Variants in NACC2 observed in about 807,000 individuals in gnomAD.
NACC2 encodes the protein nucleus accumbens-associated protein 2.
Under a neutral mutation model 25.1 loss-of-function variants are expected in NACC2, and 8 were observed. That is an observed-to-expected ratio of 0.32 (90% confidence interval 0.19 to 0.57). The LOEUF (loss-of-function observed/expected upper bound fraction) is 0.57. Among genes scored for constraint, NACC2 ranks in the 20% least tolerant of loss-of-function variants. The probability of loss-of-function intolerance (pLI) is 0.89; values close to 1 mark genes in which losing one functional copy is unlikely to be tolerated. For synonymous variants in NACC2, 435 were observed against 294.7 expected (o/e 1.48, Z -4.88); for missense variants, 644 against 650.2 (o/e 0.99, Z 0.10).
chr9:136,036,275 A>G (rs1242603769), intron 2 of NACC2, among the ~76,000 whole-genome samples: 2 of 152,230 alleles, frequency 1.3e-5, no homozygotes, highest in African/African-American at 4.8e-5. Context: ...AATTCTACCT[A>G]ATACCACTGT....
chr9:136,067,715 G>A (rs1295562490), intron 1 of NACC2, among the ~76,000 whole-genome samples: 2 of 152,042 alleles, frequency 1.3e-5, no homozygotes, highest in Non-Finnish European at 2.9e-5. Context: ...GGCACCTGTA[G>A]TCCCAGCTAC....
chr9:136,021,383 T>C (rs1232154723), intron 2 of NACC2, among the ~76,000 whole-genome samples: 1 of 152,060 alleles, frequency 6.6e-6, no homozygotes, highest in Non-Finnish European at 1.5e-5. Flanking sequence ...CCGGCGAGGA[T>C]GCGGGGCAGC....
At chr9:136,051,596 G>C (rs927480059) in intron 1 of NACC2, among the ~76,000 whole-genome samples, 1 of 148,382 alleles carries the variant, frequency 6.7e-6, no homozygotes, top group African/African-American at 2.4e-5. Flanking sequence ...AGGAAAGTGC[G>C]GGCGGCCGCA....
At chr9:136,094,674 G>A (rs892530924) in intron 1 of NACC2, among the ~76,000 whole-genome samples, 6 of 152,106 alleles carry the variant, frequency 3.9e-5, no homozygotes, top group East Asian at 1.9e-4. Flanking sequence ...GGGCCCACCT[G>A]GACCGGGAGG....
At chr9:136,038,966 C>G (rs917822430) in intron 2 of NACC2, among the ~76,000 whole-genome samples, 3 of 152,164 alleles carry the variant, frequency 2.0e-5, no homozygotes. Flanking sequence ...AGATGGTAGA[C>G]GTACACCTAA....
At chr9:136,073,757 TG>T (rs1234952504) in intron 1 of NACC2, among the ~76,000 whole-genome samples, 2 of 152,206 alleles carry the variant, frequency 1.3e-5, no homozygotes, top group African/African-American at 4.8e-5. Flanking sequence ...TCAGTTTCAA[TG>T]GGTCTATTCC....
At chr9:136,035,538 G>A (rs1437924687) in intron 2 of NACC2, among the ~76,000 whole-genome samples, 2 of 152,208 alleles carry the variant, frequency 1.3e-5, no homozygotes, top group African/African-American at 2.4e-5. Context: ...AAAATGCAAT[G>A]TGTGATTCTG....
rs1281561155 is a variant in NACC2, at chr9:136,020,872, G to T, written c.887-4443C>A. ...GGAGGCAGCAGCCTTCACAAATGGG[G>T]CTTGAGCAACTGGCCATCCGCACCC... On this transcript the variant is annotated intron_variant, in intron 2 of 5. Transcript: ENST00000277554. The surrounding 1 kb of genome is among the most constrained non-coding windows in gnomAD (Gnocchi z 4.7). 6.6e-6 allele frequency among the ~76,000 whole-genome samples: 1 copy of T among 152,122 alleles called. No individual in the cohort carries two copies. Among genetic ancestry groups the T allele is most frequent in the Admixed American group, 6.6e-5 (1 of 15,264 alleles).
chr9:136,080,521 A>T (rs2131185204), intron 1 of NACC2, among the ~76,000 whole-genome samples: 1 of 152,160 alleles, frequency 6.6e-6, no homozygotes, highest in Non-Finnish European at 1.5e-5. Flanking sequence ...GTGTGCTGAG[A>T]TCGTGCCACT....
chr9:136,011,525 C>A lies in NACC2; in HGVS notation c.1755G>T (p.Gly585=). 2.1e-6 allele frequency: 3 copies of A among 1,399,742 alleles called. No individual in the cohort carries two copies. In the South Asian group the frequency reaches 5.2e-5, roughly 24 times the overall value. 86.7% of individuals were successfully genotyped at this position (1,399,742 alleles called of 1,614,324 possible). A position where few individuals can be genotyped will look rare whatever the true frequency, so the allele number is the denominator to read the frequency against. ...AGCCACCCAGCTCCGCTTACAAGGT[C>A]CCTGCATAGGTGCCCTCCGGCCTCC... is the stretch of plus-strand genomic sequence containing the variant. ...AARRPEGTYA[G]TL The change falls in exon 6 of 6, where the codon GGG becomes GGT. Residue 585 remains glycine, a synonymous_variant. Transcript: ENST00000277554.
In NACC2 at chr9:136,070,196, AAAG is replaced by A. The variant is rs1396542648; in HGVS notation, c.-59-19619_-59-19617del. 4.6e-5 allele frequency among the ~76,000 whole-genome samples: 7 copies of A among 151,956 alleles called. No individual in the cohort carries two copies. The East Asian group carries it at 7.7e-4, about 17-fold the overall frequency. On this transcript the variant is annotated intron_variant, in intron 1 of 5. Coordinates refer to ENST00000277554, the MANE Select transcript of NACC2 (RefSeq NM_144653.5). The stretch of plus-strand genomic sequence containing the variant: ...CATACATCTAAGTAATCCATATGTC[AAAG>A]AAGAAGTCTCAAGAAAATCAAATAC...
chr9:136,080,841 C>T (rs907345312), intron 1 of NACC2, among the ~76,000 whole-genome samples: 23 of 152,266 alleles, frequency 1.5e-4, no homozygotes, highest in African/African-American at 4.8e-4. Flanking sequence ...GGCCTGTGCC[C>T]GGCGCAAACT....
chr9:136,049,385 C>G (rs1187484401), intron 2 of NACC2, among the ~76,000 whole-genome samples: 1 of 152,204 alleles, frequency 6.6e-6, no homozygotes. Context: ...GGGACACCTG[C>G]GTTTCCTCAT....
intron 1 of NACC2, among the ~76,000 whole-genome samples, chr9:136,085,353 C>CA (rs1232007505): frequency 6.6e-6 from 1 of 151,188 alleles, no homozygotes; most frequent in African/African-American, 2.4e-5. Flanking sequence ...TGGTGGTGCA[C>CA]AAAAATTTTT....
At chr9:136,069,848 C>T (rs1490990015) in intron 1 of NACC2, among the ~76,000 whole-genome samples, 1 of 151,796 alleles carries the variant, frequency 6.6e-6, no homozygotes, top group Non-Finnish European at 1.5e-5. Context: ...GAACTAAAGA[C>T]AAACCCACAA....
intron 2 of NACC2, among the ~76,000 whole-genome samples, chr9:136,037,611 G>A (rs1451821036): frequency 1.3e-5 from 2 of 151,428 alleles, no homozygotes; most frequent in South Asian, 2.1e-4. Flanking sequence ...AGGTTCAAGC[G>A]ATTCTCCTGT....
intron 1 of NACC2, among the ~76,000 whole-genome samples, chr9:136,051,443 C>T (rs1304260210): frequency 6.6e-6 from 1 of 152,194 alleles, no homozygotes; most frequent in Admixed American, 6.5e-5. Context: ...TCCCAGCCCT[C>T]GCCGGGCTGC....
rs145014448 is a variant in NACC2 at position 136,066,796 on chromosome 9, A to G, written c.-59-16216T>C. On this transcript the variant is annotated intron_variant, in intron 1 of 5. Transcript: ENST00000277554. ...AATATCCATACAATGTCATTCAGCA[A>G]TGATAGGAATGAAGTACTGGGAGAG... Among the ~76,000 whole-genome samples the G allele has an allele frequency of 4.7e-3, 716 of 152,344 alleles. 17 individuals are homozygous for G. The highest frequency in any genetic ancestry group is 0.033 in the Admixed American group (503 of 15,300).
chr9:136,055,803 C>T lies in NACC2; in HGVS notation c.-59-5223G>A, dbSNP rs551720574. Among the ~76,000 whole-genome samples the T allele has an allele frequency of 3.3e-5, 5 of 152,246 alleles. No individual in the cohort carries two copies. Among genetic ancestry groups the T allele is most frequent in the East Asian group, 1.9e-4 (1 of 5,176 alleles). On this transcript the variant is annotated intron_variant, in intron 1 of 5. Transcript: ENST00000277554. The surrounding 1 kb of genome is among the most constrained non-coding windows in gnomAD (Gnocchi z 4.9). ...TGCGGAGGGGAGAGTCCCTCTACCC[C>T]GAGCCCCGGCCCCTGGTGGAGACTG... is the stretch of plus-strand genomic sequence containing the variant.
Sources: gnomAD v4.1 joint callset for allele counts (sites outside exome capture counted in the v4.1 genomes callset) on GRCh38, gnomAD v4.1.1 for gene constraint, Gnocchi (gnomAD v3.1) non-coding constraint, MANE v1.5 for transcripts, NCBI Gene and HGNC (gene_info 2026-07-23, HGNC 2026-07-21) for gene names.